UBQLN4: variants seen among roughly 807,000 people sequenced by gnomAD.
The protein encoded by UBQLN4 is ubiquilin-4.
In UBQLN4, 11 loss-of-function variants were observed where a neutral mutation model predicts 60.4. The ratio of observed to expected loss-of-function variants is 0.18; its 90% CI spans 0.11 to 0.30. The LOEUF (loss-of-function observed/expected upper bound fraction) is 0.30, where lower values mean the gene tolerates loss of function less well. UBQLN4 is among the 10% of genes least tolerant of loss of function. The probability of loss-of-function intolerance (pLI) is 1.00; values close to 1 mark genes in which losing one functional copy is unlikely to be tolerated. For synonymous variants in UBQLN4, 258 were observed against 313.1 expected (o/e 0.82, Z 1.86); for missense variants, 417 against 795.5 (o/e 0.52, Z 5.72).
intron 1 of UBQLN4, among the ~76,000 whole-genome samples, chr1:156,053,035 G>A (rs1038477397): frequency 2.0e-5 from 3 of 152,180 alleles, no homozygotes; most frequent in South Asian, 2.1e-4. Flanking sequence ...GGCGAACACA[G>A]GCAACAGTCC....
At chr1:156,034,831 A>ATATATAT (rs1464920083), downstream of UBQLN4, among the ~76,000 whole-genome samples, 11 of 32,208 alleles carry the variant, frequency 3.4e-4, no homozygotes, top group African/African-American at 1.1e-3. Flanking sequence ...CCTTCTATAT[A>ATATATAT]TATATATATA....
In UBQLN4 at chr1:156,044,073, C is replaced by T. The variant is rs569189476; in HGVS notation, c.1051G>A (p.Gly351Arg). The T allele has an allele frequency of 6.3e-6, 10 of 1,599,618 alleles. No individual in the cohort carries two copies. Among genetic ancestry groups the T allele is most frequent in the African/African-American group, 2.7e-5 (2 of 74,850 alleles). ...QAPGSGGEGTGGSGTSQVHPT... is the reference protein window; with the variant it reads ...QAPGSGGEGTRGSGTSQVHPT... ...TGCACCTGGCTGGTCCCCGATCCTC[C>T]GGTGCCCTCCCCACCGGACCCGGGG... Residue 351 changes from glycine to arginine, a missense_variant, in exon 6 of 11, where the codon GGA becomes AGA. Transcript: ENST00000368309.
rs534884551 is a variant in UBQLN4 at position 156,042,159 on chromosome 1, C to T, written c.1344G>A (p.Leu448=). 1.9e-6 allele frequency: 3 copies of T among 1,606,050 alleles called. No individual in the cohort carries two copies. In the South Asian group the frequency reaches 3.3e-5, roughly 18 times the overall value. Residue 448 remains leucine, a synonymous_variant, in exon 8 of 11, where the codon CTG becomes CTA. Coordinates refer to ENST00000368309, the MANE Select transcript of UBQLN4 (RefSeq NM_020131.5). ...EQLRLQLPVF[L]QQMQNPESLS... ...ATCTAGGCTCCTCACTCACCTGCTGCAGGAAGACTGGGAGCTGCAGGCGGA... is the reference window on the plus strand; with the variant it reads ...ATCTAGGCTCCTCACTCACCTGCTGTAGGAAGACTGGGAGCTGCAGGCGGA...
chr1:156,041,454 T>A (rs981108491), intron 10 of UBQLN4, 31 bp downstream of exon 10: 1 of 1,508,608 alleles, frequency 6.6e-7, no homozygotes, highest in African/African-American at 1.4e-5. Context: ...AAAGTGGTGC[T>A]CCCAGCACCT....
In UBQLN4 at chr1:156,041,653, T is replaced by C. The variant is rs2297792; in HGVS notation, c.1485A>G (p.Ile495Met). 924,341 of 1,565,318 alleles carry C rather than the reference T, an allele frequency of 0.59. 280,130 individuals carry two copies. The highest frequency in any genetic ancestry group is 0.63 in the Non-Finnish European group (723,254 of 1,155,278). ...CTGCTGAGGGTGCTGGGGTCCGGGA[T>C]ATCCCAAAGGAGCCAAGGCTGTAGG... ...GLVPSLGSFG[I>M]SRTPAPSAGS... The change falls in exon 10 of 11, where the codon ATA becomes ATG. Residue 495 changes from isoleucine to methionine, a missense_variant. By Grantham distance (10) the Ile-to-Met change is conservative. Transcript: ENST00000368309.
At chr1:156,046,147 A>G (rs1475475514) in intron 5 of UBQLN4, among the ~76,000 whole-genome samples, 1 of 151,932 alleles carries the variant, frequency 6.6e-6, no homozygotes, top group Admixed American at 6.6e-5. Flanking sequence ...CGCTCCACCA[A>G]CTTGTAATAA....
Position 156,041,856 on chromosome 1 carries a change from GC to G in UBQLN4, c.1466+15del. 6.3e-7 allele frequency: 1 copy of G among 1,589,742 alleles called. No homozygotes were observed. Among genetic ancestry groups the G allele is most frequent in the East Asian group, 2.2e-5 (1 of 44,566 alleles). Reference sequence around the variant, plus strand: ...GTTGCTAGAACCTTGCTGCCCTCCTGCCCCCCTACCCTCACCTGGGTACCAG... The same window carrying G: ...GTTGCTAGAACCTTGCTGCCCTCCTGCCCCCTACCCTCACCTGGGTACCAG... On this transcript the variant is annotated intron_variant, in intron 9 of 10. Transcript: ENST00000368309.
At chr1:156,049,956 C>T (rs916175940) in intron 4 of UBQLN4, among the ~76,000 whole-genome samples, 7 of 152,210 alleles carry the variant, frequency 4.6e-5, no homozygotes, top group Non-Finnish European at 1.0e-4. Flanking sequence ...GTTCGTCTTC[C>T]TCCTTTGGGT....
intron 10 of UBQLN4, among the ~76,000 whole-genome samples, chr1:156,040,441 ATTTTTTTT>A (rs112995184): frequency 9.2e-6 from 1 of 109,004 alleles, no homozygotes. Context: ...CAGTCCACAC[ATTTTTTTT>A]TTTTTTTTTT....
chr1:156,052,204 T>C (rs1683890085), intron 1 of UBQLN4, among the ~76,000 whole-genome samples: 1 of 152,236 alleles, frequency 6.6e-6, no homozygotes, highest in African/African-American at 2.4e-5. Context: ...TTCAGCCTTC[T>C]GAGACCCAAT....
At position 156,050,194 on chromosome 1, in the gene UBQLN4, A is replaced by T; in HGVS notation, c.741+97T>A. 1 of 1,451,112 alleles carries T rather than the reference A, an allele frequency of 6.9e-7. No homozygotes were observed. Among genetic ancestry groups the T allele is most frequent in the East Asian group, 2.4e-5 (1 of 40,824 alleles). 89.9% of individuals were successfully genotyped at this position (1,451,112 alleles called of 1,614,324 possible). A position where few individuals can be genotyped will look rare whatever the true frequency, so the allele number is the denominator to read the frequency against. The stretch of plus-strand genomic sequence containing the variant: ...TCCAGTGTTCAAAACTGCTGAATAC[A>T]CGAATGAACAAATCAATGTAGGACA... On this transcript the variant is annotated intron_variant, in intron 4 of 10. Coordinates refer to ENST00000368309, the MANE Select transcript of UBQLN4 (RefSeq NM_020131.5). This position sits in a 1 kb window ranked among gnomAD's most constrained non-coding sequence, Gnocchi z 4.6.
At chr1:156,044,773 C>T (rs1683657025) in intron 5 of UBQLN4, among the ~76,000 whole-genome samples, 1 of 152,064 alleles carries the variant, frequency 6.6e-6, no homozygotes, top group Admixed American at 6.5e-5. Context: ...TCCCCAGGTC[C>T]CCTACCTGGC....
In UBQLN4 at chr1:156,042,141, C is replaced by G. The variant is rs1409841224; in HGVS notation, c.1350+12G>C. 1.2e-6 allele frequency: 2 copies of G among 1,605,616 alleles called. No homozygotes were observed. The highest frequency in any genetic ancestry group is 1.7e-6 in the Non-Finnish European group (2 of 1,177,050). ...TGCCCTCAACCTCCACCCATCTAGGCTCCTCACTCACCTGCTGCAGGAAGA... is the reference window on the plus strand; with the variant it reads ...TGCCCTCAACCTCCACCCATCTAGGGTCCTCACTCACCTGCTGCAGGAAGA... On this transcript the variant is annotated intron_variant, in intron 8 of 10. Coordinates refer to ENST00000368309, the MANE Select transcript of UBQLN4 (RefSeq NM_020131.5).
At chr1:156,043,258 C>T (rs1344996133) in intron 6 of UBQLN4, among the ~76,000 whole-genome samples, 1 of 152,210 alleles carries the variant, frequency 6.6e-6, no homozygotes, top group Non-Finnish European at 1.5e-5. Context: ...CTTGTCTTAG[C>T]AGCAGAGACC....
Position 156,051,842 on chromosome 1 carries a change from A to G in UBQLN4, c.124T>C (p.Ser42Pro). The stretch of plus-strand genomic sequence containing the variant: ...TCCTGCTGAGCCTTAAACCTCCGGG[A>G]GATTTCCTCTTTGAACTGTGATCAA... ...ASVKEFKEEI[S>P]RRFKAQQDQL... The change falls in exon 2 of 11, where the codon TCC becomes CCC. Residue 42 changes from serine (S) to proline (P), a missense_variant. By Grantham distance (74) the Ser-to-Pro change is moderately conservative (BLOSUM62 -1). Transcript: ENST00000368309. The G allele has an allele frequency of 6.2e-7, 1 of 1,614,084 alleles. No homozygotes were observed.
chr1:156,041,659 A>G lies in UBQLN4; in HGVS notation c.1479T>C (p.Phe493=). The change falls in exon 10 of 11, where the codon TTT becomes TTC. Residue 493 remains phenylalanine, a synonymous_variant. Coordinates refer to ENST00000368309, the MANE Select transcript of UBQLN4 (RefSeq NM_020131.5). The part of the protein sequence containing the change: ...APGLVPSLGS[F]GISRTPAPSA... The stretch of plus-strand genomic sequence containing the variant: ...AGGGTGCTGGGGTCCGGGATATCCC[A>G]AAGGAGCCAAGGCTGTAGGCAAGAG... The G allele has an allele frequency of 1.3e-6, 2 of 1,559,658 alleles. No homozygotes were observed. Among genetic ancestry groups the G allele is most frequent in the Non-Finnish European group, 8.7e-7 (1 of 1,152,938 alleles).
Position 156,051,162 on chromosome 1 carries a change from C to A in UBQLN4, c.426G>T (p.Gly142=), listed in dbSNP as rs1424285664. Residue 142 remains glycine, a synonymous_variant, in exon 3 of 11, where the codon GGG becomes GGT. Coordinates refer to ENST00000368309, the MANE Select transcript of UBQLN4 (RefSeq NM_020131.5). The stretch of plus-strand genomic sequence containing the variant: ...ATCCCTCCCCAGCCCCCGGAGAGGG[C>A]CCCCCACCACTGCTCCTCCGGCTTC... ...GSGSRRSSGG[G]PSPGAGEGSP... The A allele has an allele frequency of 1.2e-6, 2 of 1,611,026 alleles. No homozygotes were observed. The highest frequency in any genetic ancestry group is 2.2e-5 in the South Asian group (2 of 90,586).
At chr1:156,045,851 A>AT (rs879364795) in intron 5 of UBQLN4, among the ~76,000 whole-genome samples, 331 of 148,066 alleles carry the variant, frequency 2.2e-3, no homozygotes, top group Non-Finnish European at 3.5e-3. Flanking sequence ...ACTTGTAATA[A>AT]TTTTTTTTTT....
chr1:156,048,337 T>C lies in UBQLN4; in HGVS notation c.900+164A>G, dbSNP rs1683770152. Among the ~76,000 whole-genome samples, 1 of 152,216 alleles carries C rather than the reference T, an allele frequency of 6.6e-6. No homozygotes were observed. The highest frequency in any genetic ancestry group is 2.4e-5 in the African/African-American group (1 of 41,450). On this transcript the variant is annotated intron_variant, in intron 5 of 10. Coordinates refer to ENST00000368309, the MANE Select transcript of UBQLN4 (RefSeq NM_020131.5). This position sits in a 1 kb window ranked among gnomAD's most constrained non-coding sequence, Gnocchi z 4.9. ...CTGCTTATATTTGTCCATGCCAAAA[T>C]GGACCATCCCCGGATATGTACTGTT...
Sources: gnomAD v4.1 joint callset for allele counts (sites outside exome capture counted in the v4.1 genomes callset) on GRCh38, gnomAD v4.1.1 for gene constraint, Gnocchi (gnomAD v3.1) non-coding constraint, MANE v1.5 for transcripts, NCBI Gene and HGNC (gene_info 2026-07-23, HGNC 2026-07-21) for gene names.